BAZ2B: variants seen among roughly 807,000 people sequenced by gnomAD.
The protein encoded by BAZ2B is bromodomain adjacent to zinc finger domain 2B.
In BAZ2B, 91 loss-of-function variants were observed where a neutral mutation model predicts 246.0. The observed-to-expected ratio is 0.37, with a 90% CI of 0.31 to 0.44. The LOEUF is 0.44. Among genes scored for constraint, BAZ2B ranks in the 20% least tolerant of loss-of-function variants. The pLI, the probability that BAZ2B is intolerant of heterozygous loss-of-function variation, is 1.00. For missense variants in BAZ2B, 2,332 were observed against 2,533.7 expected (o/e 0.92, Z 1.71); for synonymous variants, 855 against 860.0 (o/e 0.99, Z 0.10).
chr2:159,525,439 T>C (rs1339463807), intron 2 of BAZ2B, among the ~76,000 whole-genome samples: 1 of 152,214 alleles, frequency 6.6e-6, no homozygotes, highest in African/African-American at 2.4e-5. Flanking sequence ...ATCAACATGA[T>C]GCCACAGGTG....
At chr2:159,401,639 T>C (rs764726132) in intron 16 of BAZ2B, among the ~76,000 whole-genome samples, 21 of 152,298 alleles carry the variant, frequency 1.4e-4, no homozygotes, top group Non-Finnish European at 2.9e-4. Flanking sequence ...GAATTATCTG[T>C]AGGACATAAT....
the BAZ2B span, among the ~76,000 whole-genome samples, chr2:159,678,271 ATTAAG>A: frequency 2.0e-5 from 3 of 152,134 alleles, no homozygotes; most frequent in Non-Finnish European, 4.4e-5. Flanking sequence ...AACTTGAGCA[ATTAAG>A]TTATTTGATC....
At chr2:159,674,868 C>T in the BAZ2B span, among the ~76,000 whole-genome samples, 1 of 152,102 alleles carries the variant, frequency 6.6e-6, no homozygotes. Context: ...GAAGTATATA[C>T]CTTTCACTGG....
intron 8 of BAZ2B, among the ~76,000 whole-genome samples, chr2:159,436,906 T>C (rs1477060505): frequency 6.6e-6 from 1 of 152,178 alleles, no homozygotes; most frequent in Non-Finnish European, 1.5e-5. Context: ...TAAATAACCT[T>C]TAAGAAAATA....
intron 1 of BAZ2B, among the ~76,000 whole-genome samples, chr2:159,586,294 G>A (rs1014812913): frequency 2.0e-5 from 3 of 152,102 alleles, no homozygotes; most frequent in Admixed American, 1.3e-4. Flanking sequence ...CCTTGAAAAT[G>A]TCTGTTTTAT....
At chr2:159,494,363 CAGA>C (rs998671757) in intron 2 of BAZ2B, among the ~76,000 whole-genome samples, 14 of 152,138 alleles carry the variant, frequency 9.2e-5, no homozygotes, top group Non-Finnish European at 1.9e-4. Flanking sequence ...CAGGGAAGCA[CAGA>C]AGGATTTTAC....
chr2:159,453,734 C>T lies in BAZ2B; in HGVS notation c.213G>A (p.Met71Ile). Residue 71 changes from methionine to isoleucine, a missense_variant, in exon 4 of 37, where the codon ATG becomes ATA. Around this residue, in one of 9 missense-constraint regions of BAZ2B, gnomAD observed 242 missense variants for 237.4 expected, o/e 1.02. Transcript: ENST00000392783. The stretch of plus-strand genomic sequence containing the variant: ...GTAGACCAAAGACTGGGTGGCTGAC[C>T]ATTGGGAAGGCACTCGACACTGTGG... Reference protein sequence around the residue: ...NLSTVSSAFPMVSHPVFGLHS... With the variant: ...NLSTVSSAFPIVSHPVFGLHS... 1.2e-6 allele frequency: 2 copies of T among 1,613,552 alleles called. No homozygotes were observed. Among genetic ancestry groups the T allele is most frequent in the Non-Finnish European group, 1.7e-6 (2 of 1,179,812 alleles).
At chr2:159,479,437 C>T (rs1424521408) in intron 2 of BAZ2B, among the ~76,000 whole-genome samples, 1 of 152,052 alleles carries the variant, frequency 6.6e-6, no homozygotes, top group Non-Finnish European at 1.5e-5. Flanking sequence ...CATTTTAATA[C>T]TCTATGCATG....
At chr2:159,565,735 C>A in intron 1 of BAZ2B, among the ~76,000 whole-genome samples, 1 of 146,644 alleles carries the variant, frequency 6.8e-6, no homozygotes, top group African/African-American at 2.5e-5. Flanking sequence ...TGAGATTGTG[C>A]CACTGCATTC....
intron 25 of BAZ2B, among the ~76,000 whole-genome samples, chr2:159,380,332 C>T (rs1000248202): frequency 3.3e-5 from 5 of 152,160 alleles, no homozygotes; most frequent in African/African-American, 1.2e-4. Flanking sequence ...TCAATTACAG[C>T]CTGGTAGGTG....
the BAZ2B span, among the ~76,000 whole-genome samples, chr2:159,707,842 T>C: frequency 4.7e-3 from 703 of 148,878 alleles, 11 homozygotes; most frequent in African/African-American, 0.017. Context: ...AAAGAAAAAA[T>C]TAGCCGGGAG....
intron 1 of BAZ2B, among the ~76,000 whole-genome samples, chr2:159,600,838 T>C (rs1007872159): frequency 1.3e-5 from 2 of 152,268 alleles, no homozygotes; most frequent in African/African-American, 4.8e-5. Flanking sequence ...ATCGAGCTAC[T>C]TTTTTGGCCT....
intron 33 of BAZ2B, among the ~76,000 whole-genome samples, chr2:159,334,634 TA>T (rs1444914605): frequency 6.6e-6 from 1 of 152,184 alleles, no homozygotes; most frequent in Non-Finnish European, 1.5e-5. Flanking sequence ...TTAAGCATTT[TA>T]AAAAGGAAAT....
intron 3 of BAZ2B, among the ~76,000 whole-genome samples, chr2:159,472,957 G>C (rs571629601): frequency 3.9e-5 from 6 of 152,042 alleles, no homozygotes; most frequent in Non-Finnish European, 7.4e-5. Flanking sequence ...TTTTTTTGTC[G>C]TGTCTCTGCC....
chr2:159,356,846 T>C (rs1300354628), intron 27 of BAZ2B, among the ~76,000 whole-genome samples: 2 of 151,946 alleles, frequency 1.3e-5, no homozygotes, highest in African/African-American at 4.8e-5. Context: ...GGGTCTGGAG[T>C]GGACCTCCAG....
chr2:159,689,280 C>A, the BAZ2B span: 5 of 467,682 alleles, frequency 1.1e-5, no homozygotes, highest in Non-Finnish European at 1.9e-5. Flanking sequence ...CCTGTCTCAT[C>A]CCCAGTGGCT....
At chr2:159,370,284 C>T (rs183553309) in intron 27 of BAZ2B, among the ~76,000 whole-genome samples, 209 of 150,862 alleles carry the variant, frequency 1.4e-3, no homozygotes, top group African/African-American at 4.7e-3. Context: ...CAAATCTGCA[C>T]GTTGTGCACA....
chr2:159,397,472 A>T (rs1188893955), intron 18 of BAZ2B, 83 bp from the exon 19 acceptor site: 24 of 890,664 alleles, frequency 2.7e-5, no homozygotes, highest in Non-Finnish European at 4.1e-5. Flanking sequence ...CTTTTCTGAG[A>T]TTCTATAGTT....
intron 2 of BAZ2B, among the ~76,000 whole-genome samples, chr2:159,496,562 C>T (rs976309462): frequency 2.0e-5 from 3 of 147,784 alleles, no homozygotes; most frequent in African/African-American, 7.5e-5. Flanking sequence ...GTGGGCGGAT[C>T]ACCTGAGGTC....
Sources: gnomAD v4.1 joint callset for allele counts (sites outside exome capture counted in the v4.1 genomes callset) on GRCh38, gnomAD v4.1.1 for gene constraint, gnomAD v4.1.1 regional missense constraint, MANE v1.5 for transcripts, NCBI Gene and HGNC (gene_info 2026-07-23, HGNC 2026-07-21) for gene names.